CNST: variants seen among roughly 807,000 people sequenced by gnomAD.
CNST encodes consortin, connexin sorting protein, also known as consortin.
Under a neutral mutation model 72.4 loss-of-function variants are expected in CNST, and 39 were observed. The ratio of observed to expected loss-of-function variants is 0.54; its 90% CI spans 0.42 to 0.70. The LOEUF (loss-of-function observed/expected upper bound fraction) is 0.70. Ranked by LOEUF, CNST falls within the 30% of genes least tolerant of loss-of-function variation. The probability of loss-of-function intolerance (pLI) is 0.00; values close to 1 mark genes in which losing one functional copy is unlikely to be tolerated. For synonymous variants in CNST, 332 were observed against 320.1 expected (o/e 1.04, Z -0.40); for missense variants, 871 against 868.5 (o/e 1.00, Z -0.04).
intron 6 of CNST, 52 bp from the exon 7 acceptor site, chr1:246,641,697 T>C: frequency 9.7e-7 from 1 of 1,029,306 alleles, no homozygotes; most frequent in Non-Finnish European, 1.5e-6. Context: ...TTTGGAAGCA[T>C]ATTGCTGCTG....
Position 246,647,634 on chromosome 1 carries a change from A to G in CNST, c.1433A>G (p.Asn478Ser). 2 of 1,614,222 alleles carry G rather than the reference A, an allele frequency of 1.2e-6. No homozygotes were observed. Among genetic ancestry groups the G allele is most frequent in the Non-Finnish European group, 1.7e-6 (2 of 1,180,030 alleles). Residue 478 changes from asparagine (N) to serine (S), a missense_variant, in exon 9 of 11, where the codon AAC (asparagine) becomes AGC (serine). By Grantham distance (46) the Asn-to-Ser change is conservative. Coordinates refer to ENST00000366513, the MANE Select transcript of CNST (RefSeq NM_152609.3). ...GCGTTGCCCACAGACCAACTTGAGA[A>G]CAATGAATTAAATGAGCTGCAGCAG... is the stretch of plus-strand genomic sequence containing the variant. ...SEALPTDQLE[N>S]NELNELQQPD...
At chr1:246,658,214 A>G (rs1210020222) in intron 9 of CNST, among the ~76,000 whole-genome samples, 1 of 152,218 alleles carries the variant, frequency 6.6e-6, no homozygotes, top group African/African-American at 2.4e-5. Flanking sequence ...TAATGTATTC[A>G]TGAAAATTAA....
intron 1 of CNST, among the ~76,000 whole-genome samples, chr1:246,588,165 A>G (rs532841484): frequency 7.4e-4 from 113 of 152,240 alleles, no homozygotes; most frequent in Non-Finnish European, 1.3e-3. Context: ...AAATGTTAAA[A>G]CAATGTGATT....
intron 9 of CNST, among the ~76,000 whole-genome samples, chr1:246,659,409 T>A (rs6694570): frequency 0.38 from 57,899 of 151,888 alleles, 11,220 homozygotes; most frequent in East Asian, 0.56. Context: ...CCTGGCTAAC[T>A]CGGTGAAACC....
At chr1:246,577,506 A>G (rs1283934097) in intron 1 of CNST, among the ~76,000 whole-genome samples, 1 of 152,088 alleles carries the variant, frequency 6.6e-6, no homozygotes, top group Non-Finnish European at 1.5e-5. Flanking sequence ...TTACCTTTAA[A>G]ATTCCAGGAG....
rs1459615231 is a variant in CNST at position 246,600,125 on chromosome 1, G to A, written c.379+8184G>A. Among the ~76,000 whole-genome samples the A allele has an allele frequency of 2.6e-5, 4 of 152,160 alleles. No individual in the cohort carries two copies. In the South Asian group the frequency reaches 6.2e-4, roughly 24 times the overall value. On this transcript the variant is annotated intron_variant, in intron 2 of 10. Transcript: ENST00000366513. ...TGCGGACAAAGAGGAGAGGAAGGACGTCAGAGATGGCAGGCGTACCATGGG... is the reference window on the plus strand; with the variant it reads ...TGCGGACAAAGAGGAGAGGAAGGACATCAGAGATGGCAGGCGTACCATGGG...
chr1:246,606,100 A>G (rs9426202), intron 2 of CNST: 2 of 147,674 alleles, frequency 1.4e-5, no homozygotes, highest in Non-Finnish European at 3.0e-5. Flanking sequence ...AAAAGAAAAA[A>G]TTTTGGCGTA....
intron 2 of CNST, among the ~76,000 whole-genome samples, chr1:246,609,774 T>C (rs1485188915): frequency 6.6e-6 from 1 of 152,214 alleles, no homozygotes; most frequent in African/African-American, 2.4e-5. Context: ...TCAGCATTAA[T>C]GGGTAAGGCG....
chr1:246,634,351 T>G, intron 5 of CNST, 122 bp from the exon 6 acceptor site: 2 of 604,688 alleles, frequency 3.3e-6, no homozygotes, highest in Non-Finnish European at 5.7e-6. Context: ...ACTGTTGGGT[T>G]GTTTGAAAAG....
At chr1:246,625,373 G>A (rs967133992) in intron 3 of CNST, among the ~76,000 whole-genome samples, 3 of 142,116 alleles carry the variant, frequency 2.1e-5, no homozygotes, top group African/African-American at 5.2e-5. Context: ...AAGAATTCAT[G>A]TAGAATGTCC....
At chr1:246,615,616 C>T (rs1017725258) in intron 2 of CNST, among the ~76,000 whole-genome samples, 2 of 149,760 alleles carry the variant, frequency 1.3e-5, no homozygotes, top group Admixed American at 6.7e-5. Context: ...CGGTGGCTCA[C>T]GCCTGTAATC....
rs1323409977 is a variant in CNST, at chr1:246,647,137, A to G, written c.938-2A>G. On this transcript the variant is annotated splice_acceptor_variant, in intron 8 of 10. Coordinates refer to ENST00000366513, the MANE Select transcript of CNST (RefSeq NM_152609.3). LOFTEE classifies it high-confidence loss of function. ...TAACAATTTATTTTTCTTCATCTTT[A>G]GAGAGTAAAACTTGTCTCGGCACAG... 8 of 1,602,550 alleles carry G rather than the reference A, an allele frequency of 5.0e-6. No individual in the cohort carries two copies. The highest frequency in any genetic ancestry group is 1.3e-5 in the African/African-American group (1 of 74,278).
At chr1:246,605,477 T>G (rs566207519) in intron 2 of CNST, among the ~76,000 whole-genome samples, 1 of 152,206 alleles carries the variant, frequency 6.6e-6, no homozygotes, top group Non-Finnish European at 1.5e-5. Flanking sequence ...GTGTGGAGCA[T>G]CACGCTGTTT....
At chr1:246,570,449 T>A (rs567017629) in intron 1 of CNST, among the ~76,000 whole-genome samples, 4 of 152,338 alleles carry the variant, frequency 2.6e-5, no homozygotes, top group Admixed American at 2.0e-4. Flanking sequence ...AAGGCCTAAT[T>A]AATATTCAGT....
intron 3 of CNST, among the ~76,000 whole-genome samples, chr1:246,626,451 C>T (rs1295634855): frequency 3.8e-5 from 3 of 79,918 alleles, no homozygotes; most frequent in African/African-American, 4.8e-5. Flanking sequence ...TAGGTTTGTC[C>T]TTTTTTTTTT....
chr1:246,617,423 G>A (rs1234568872), intron 2 of CNST, among the ~76,000 whole-genome samples: 2 of 152,220 alleles, frequency 1.3e-5, no homozygotes, highest in African/African-American at 2.4e-5. Flanking sequence ...GATTGGACTT[G>A]TCTCAGAACT....
intron 9 of CNST, among the ~76,000 whole-genome samples, chr1:246,656,733 G>T (rs1317102619): frequency 1.3e-5 from 2 of 152,110 alleles, no homozygotes; most frequent in Non-Finnish European, 2.9e-5. Flanking sequence ...TTCGAGACCA[G>T]CCTGGGCAAC....
intron 6 of CNST, among the ~76,000 whole-genome samples, chr1:246,638,580 A>G (rs952435684): frequency 1.3e-5 from 2 of 152,180 alleles, no homozygotes; most frequent in African/African-American, 2.4e-5. Flanking sequence ...CAGCTGCTAG[A>G]GTGAGAGCTC....
chr1:246,640,149 A>G (rs1207528599), intron 6 of CNST, among the ~76,000 whole-genome samples: 1 of 152,212 alleles, frequency 6.6e-6, no homozygotes, highest in Non-Finnish European at 1.5e-5. Context: ...CACTGAACTC[A>G]GTAAAAGGTC....
Sources: gnomAD v4.1 joint callset for allele counts (sites outside exome capture counted in the v4.1 genomes callset) on GRCh38, gnomAD v4.1.1 for gene constraint, MANE v1.5 for transcripts, NCBI Gene and HGNC (gene_info 2026-07-23, HGNC 2026-07-21) for gene names.